Variants in MKRN2 observed in about 807,000 individuals in gnomAD.
The protein encoded by MKRN2 is makorin ring finger protein 2.
Under a neutral mutation model 45.4 loss-of-function variants are expected in MKRN2, and 32 were observed. The ratio of observed to expected loss-of-function variants is 0.70; its 90% CI spans 0.53 to 0.95. The LOEUF (loss-of-function observed/expected upper bound fraction) is 0.95, where lower values mean the gene tolerates loss of function less well. Ranked by LOEUF, MKRN2 falls within the 40% of genes least tolerant of loss-of-function variation. The pLI, the probability that MKRN2 is intolerant of heterozygous loss-of-function variation, is 0.00. For missense variants in MKRN2, 526 were observed against 536.7 expected (o/e 0.98, Z 0.20); for synonymous variants, 206 against 192.4 (o/e 1.07, Z -0.59).
intron 6 of MKRN2, 197 bp downstream of exon 6, chr3:12,576,938 T>TGTTTTTTTTTTTTTTTG (rs1553608766): frequency 4.4e-6 from 1 of 226,964 alleles, no homozygotes; most frequent in African/African-American, 3.5e-5. Flanking sequence ...TTGGTGTTTT[T>TGTTTTTTTTTTTTTTTG]TTTTTTTTTT....
chr3:12,557,537 G>T (rs2057988945), intron 1 of MKRN2, among the ~76,000 whole-genome samples: 1 of 152,248 alleles, frequency 6.6e-6, no homozygotes, highest in South Asian at 2.1e-4. Flanking sequence ...TTGAGTAAAG[G>T]GACGCCGAGA....
At position 12,583,211 on chromosome 3, in the gene MKRN2, G is replaced by A. The variant is rs1034300194; in HGVS notation, c.*958G>A. ...ATTCTGACCCAGCAGTGGTCCTGAA[G>A]AGAGCTGATGGCAAGTCTTGTAGTC... On this transcript the variant is annotated 3_prime_UTR_variant, in exon 8 of 8. Coordinates refer to ENST00000170447, the MANE Select transcript of MKRN2 (RefSeq NM_014160.5). 1 of 152,254 alleles carries A rather than the reference G, an allele frequency of 6.6e-6. No individual in the cohort carries two copies. Among genetic ancestry groups the A allele is most frequent in the African/African-American group, 2.4e-5 (1 of 41,450 alleles). 9.4% of individuals were successfully genotyped at this position (152,254 alleles called of 1,614,324 possible). A position where few individuals can be genotyped will look rare whatever the true frequency, so the allele number is the denominator to read the frequency against.
chr3:12,566,014 C>T (rs567882900), intron 1 of MKRN2, among the ~76,000 whole-genome samples: 9 of 151,914 alleles, frequency 5.9e-5, no homozygotes, highest in South Asian at 2.1e-4. Flanking sequence ...CCATCATGCA[C>T]GGCTGATTTT....
chr3:12,578,715 A>T (rs926294445), intron 6 of MKRN2, among the ~76,000 whole-genome samples: 38 of 152,136 alleles, frequency 2.5e-4, no homozygotes, highest in Admixed American at 2.3e-3. Flanking sequence ...TGGTGCCTTC[A>T]GGTCTTCTTG....
chr3:12,565,524 C>CTTTTTTTT (rs10598451), intron 1 of MKRN2, among the ~76,000 whole-genome samples: 1 of 91,996 alleles, frequency 1.1e-5, no homozygotes, highest in Non-Finnish European at 2.0e-5. Context: ...CCCAACTTAC[C>CTTTTTTTT]TTTTTTTTTT....
In MKRN2 at chr3:12,581,935, T is replaced by C. The variant is rs139232383; in HGVS notation, c.1096T>C (p.Ser366Pro). ...EPEKPRKQLS[S>P]QGTVRFFNSV... ...TGAGAAACCTCGGAAACAGCTCAGT[T>C]CTCAAGGCACTGTGAGGGTAAGGAC... The change falls in exon 7 of 8, where the codon TCT (serine) becomes CCT (proline). Residue 366 changes from serine (S) to proline (P), a missense_variant. Ser to Pro is a moderately conservative substitution (Grantham distance 74, BLOSUM62 -1). Transcript: ENST00000170447. 20 of 1,614,032 alleles carry C rather than the reference T, an allele frequency of 1.2e-5. No homozygotes were observed. The African/African-American group carries it at 2.0e-4, about 16-fold the overall frequency.
intron 1 of MKRN2, among the ~76,000 whole-genome samples, chr3:12,562,520 A>G (rs779371606): frequency 2.1e-4 from 32 of 152,336 alleles, no homozygotes; most frequent in Admixed American, 3.9e-4. Context: ...ATAAAACTTT[A>G]ACAGCCTTAT....
intron 1 of MKRN2, among the ~76,000 whole-genome samples, chr3:12,562,867 C>A (rs1234858963): frequency 6.6e-6 from 1 of 151,868 alleles, no homozygotes; most frequent in African/African-American, 2.4e-5. Flanking sequence ...GAAAAACAAG[C>A]TCAGTGTTCC....
chr3:12,570,740 G>A (rs372330748), intron 3 of MKRN2, among the ~76,000 whole-genome samples: 3 of 151,800 alleles, frequency 2.0e-5, no homozygotes, highest in East Asian at 1.9e-4. Context: ...AAAATTAGCC[G>A]GGTGTAGTGG....
At chr3:12,571,114 T>TTTTG (rs59101458) in intron 3 of MKRN2, among the ~76,000 whole-genome samples, 7,819 of 150,458 alleles carry the variant, frequency 0.052, 418 homozygotes, top group African/African-American at 0.13. Flanking sequence ...TTGTTGTGTT[T>TTTTG]TTTGTTTGTT....
At chr3:12,579,330 A>G (rs1349253864) in intron 6 of MKRN2, among the ~76,000 whole-genome samples, 1 of 151,904 alleles carries the variant, frequency 6.6e-6, no homozygotes, top group Non-Finnish European at 1.5e-5. Context: ...ACACCCAGCT[A>G]ATTTTTGTAT....
At chr3:12,581,246 A>G (rs2058176520) in intron 6 of MKRN2, among the ~76,000 whole-genome samples, 3 of 152,240 alleles carry the variant, frequency 2.0e-5, no homozygotes. Flanking sequence ...CAAAGCACAT[A>G]AGGCGTGAAG....
chr3:12,581,904 A>G lies in MKRN2; in HGVS notation c.1065A>G (p.Ala355=). Residue 355 remains alanine (A), a synonymous_variant, in exon 7 of 8, where the codon GCA becomes GCG. Transcript: ENST00000170447. ...YRHAYPDGRL[A]EPEKPRKQLS... Reference sequence around the variant, plus strand: ...ATGCTTACCCCGATGGGCGGCTAGCAGAGCCTGAGAAACCTCGGAAACAGC... The same window carrying G: ...ATGCTTACCCCGATGGGCGGCTAGCGGAGCCTGAGAAACCTCGGAAACAGC... 6.2e-7 allele frequency: 1 copy of G among 1,614,244 alleles called. No individual in the cohort carries two copies. Among genetic ancestry groups the G allele is most frequent in the South Asian group, 1.1e-5 (1 of 91,084 alleles).
rs1553608777 is a variant in MKRN2 at position 12,576,946 on chromosome 3, T to TTTTTTTTTTTTG, written c.968+216_968+217insGTTTTTTTTTTT. 37 of 271,292 alleles carry TTTTTTTTTTTTG rather than the reference T, an allele frequency of 1.4e-4. 2 individuals carry two copies. The highest frequency in any genetic ancestry group is 2.3e-4 in the Non-Finnish European group (34 of 147,468). The allele number at this position is 271,292 out of a possible 1,614,324, so 16.8% of individuals were successfully genotyped here. On this transcript the variant is annotated intron_variant, in intron 6 of 7. Transcript: ENST00000170447. ...TTTAGTTTTGGTGTTTTTTTTTTTTTTTTTTTTTTTTCGGTGAGATAGGGT... is the reference window on the plus strand; with the variant it reads ...TTTAGTTTTGGTGTTTTTTTTTTTTTTTTTTTTTTTTGTTTTTTTTTTTCGGTGAGATAGGGT...
At chr3:12,576,305 G>C (rs992421233) in intron 5 of MKRN2, among the ~76,000 whole-genome samples, 9 of 151,712 alleles carry the variant, frequency 5.9e-5, no homozygotes, top group African/African-American at 2.2e-4. Context: ...ATGTGCCACG[G>C]TGGTTTTCTG....
rs529688601 is a variant in MKRN2, at chr3:12,570,378, G to A, written c.337+126G>A. ...TAATACACCTCCAGATTGTCTGCGC[G>A]GAGAGACTTCAGAACTGTTCTGAAG... On this transcript the variant is annotated intron_variant, in intron 3 of 7. Coordinates refer to ENST00000170447, the MANE Select transcript of MKRN2 (RefSeq NM_014160.5). 39 of 965,370 alleles carry A rather than the reference G, an allele frequency of 4.0e-5. No individual in the cohort carries two copies. The East Asian group carries it at 6.6e-4, about 16-fold the overall frequency. 59.8% of individuals were successfully genotyped at this position (965,370 alleles called of 1,614,324 possible).
In MKRN2 at chr3:12,582,899, T is replaced by A. The variant is rs540350916; in HGVS notation, c.*646T>A. On this transcript the variant is annotated 3_prime_UTR_variant, in exon 8 of 8. Coordinates refer to ENST00000170447, the MANE Select transcript of MKRN2 (RefSeq NM_014160.5). Reference sequence around the variant, plus strand: ...AGCAAACAAAGTGGAAGTATAGATCTTCTTCTCCCTTAGGGAGGCTCTTGA... The same window carrying A: ...AGCAAACAAAGTGGAAGTATAGATCATCTTCTCCCTTAGGGAGGCTCTTGA... 15 of 152,630 alleles carry A rather than the reference T, an allele frequency of 9.8e-5. No individual in the cohort carries two copies. Among genetic ancestry groups the A allele is most frequent in the African/African-American group, 2.9e-4 (12 of 41,504 alleles). The allele number at this position is 152,630 out of a possible 1,614,324, so 9.5% of individuals were successfully genotyped here. A position where few individuals can be genotyped will look rare whatever the true frequency, so the allele number is the denominator to read the frequency against.
At chr3:12,560,513 A>G (rs965658876) in intron 1 of MKRN2, among the ~76,000 whole-genome samples, 3 of 151,164 alleles carry the variant, frequency 2.0e-5, no homozygotes, top group East Asian at 1.9e-4. Flanking sequence ...TGAGGATGCA[A>G]ATTACCTGTA....
chr3:12,573,720 C>T (rs1291776471), intron 4 of MKRN2, among the ~76,000 whole-genome samples: 2 of 151,752 alleles, frequency 1.3e-5, no homozygotes, highest in African/African-American at 2.4e-5. Flanking sequence ...GGTGAAACCC[C>T]GTCTCTACTA....
Sources: gnomAD v4.1 joint callset for allele counts (sites outside exome capture counted in the v4.1 genomes callset) on GRCh38, gnomAD v4.1.1 for gene constraint, MANE v1.5 for transcripts, NCBI Gene and HGNC (gene_info 2026-07-23, HGNC 2026-07-21) for gene names.